SNED1: variants seen among roughly 807,000 people sequenced by gnomAD.
The protein encoded by SNED1 is sushi, nidogen and EGF like domains 1.
Under a neutral mutation model 166.7 loss-of-function variants are expected in SNED1, and 81 were observed. The ratio of observed to expected loss-of-function variants is 0.49; its 90% CI spans 0.41 to 0.58. The LOEUF (loss-of-function observed/expected upper bound fraction) is 0.58, where lower values mean the gene tolerates loss of function less well. Ranked by LOEUF, SNED1 falls within the 20% of genes least tolerant of loss-of-function variation. The pLI, the probability that SNED1 is intolerant of heterozygous loss-of-function variation, is 0.00. For missense variants in SNED1, 1,604 were observed against 2,000.2 expected (o/e 0.80, Z 3.78); for synonymous variants, 762 against 822.0 (o/e 0.93, Z 1.25).
chr2:241,030,868 G>A (rs1411031513), intron 2 of SNED1, among the ~76,000 whole-genome samples: 1 of 152,244 alleles, frequency 6.6e-6, no homozygotes, highest in East Asian at 1.9e-4. Context: ...GTACTCAAAA[G>A]GTTAGACTGG....
At chr2:241,038,066 T>G (rs2061426600) in intron 6 of SNED1, among the ~76,000 whole-genome samples, 1 of 136,658 alleles carries the variant, frequency 7.3e-6, no homozygotes, top group African/African-American at 2.7e-5. Context: ...TAAAGAAAGG[T>G]GGACCCCCCC....
chr2:241,064,937 C>G lies in SNED1; in HGVS notation c.2693C>G (p.Thr898Arg). 1 of 1,583,820 alleles carries G rather than the reference C, an allele frequency of 6.3e-7. No homozygotes were observed. Reference sequence around the variant, plus strand: ...AGCTGCACCTGCAAAGTGGGCTACACGGGCGAGGACTGCGCCAAAGGTGGG... The same window carrying G: ...AGCTGCACCTGCAAAGTGGGCTACAGGGGCGAGGACTGCGCCAAAGGTGGG... Reference protein sequence around the residue: ...SHSCTCKVGYTGEDCAKELFP... With the variant: ...SHSCTCKVGYRGEDCAKELFP... Residue 898 changes from threonine (T) to arginine (R), a missense_variant, in exon 20 of 32, where the codon ACG becomes AGG. Thr to Arg is a moderately conservative substitution (Grantham distance 71). This residue lies in a region of SNED1 where 1,237 missense variants were observed against 1,620.8 expected (regional missense o/e 0.76). Transcript: ENST00000310397. This position sits in a 1 kb window ranked among gnomAD's most constrained non-coding sequence, Gnocchi z 7.0.
rs191617877 is a variant in SNED1 at position 241,078,156 on chromosome 2, G to A, written c.3917-3521G>A. On this transcript the variant is annotated intron_variant, in intron 27 of 31. Coordinates refer to ENST00000310397, the MANE Select transcript of SNED1 (RefSeq NM_001080437.3). ...TCCCAGCACTTTGGGAGGCCGAGGC[G>A]GGCAGATCACCAGGTCAGGCGTTCG... is the stretch of plus-strand genomic sequence containing the variant. Among the ~76,000 whole-genome samples the A allele has an allele frequency of 5.7e-3, 864 of 150,272 alleles. 21 individuals carry two copies. The highest frequency in any genetic ancestry group is 0.02 in the African/African-American group (811 of 39,840).
chr2:240,998,814 C>T lies in SNED1; in HGVS notation c.-24C>T. 1 of 1,156,212 alleles carries T rather than the reference C, an allele frequency of 8.6e-7. No homozygotes were observed. The highest frequency in any genetic ancestry group is 1.1e-6 in the Non-Finnish European group (1 of 937,638). The allele number at this position is 1,156,212 out of a possible 1,614,324, so 71.6% of individuals were successfully genotyped here. On this transcript the variant is annotated 5_prime_UTR_variant, in exon 1 of 32. Coordinates refer to ENST00000310397, the MANE Select transcript of SNED1 (RefSeq NM_001080437.3). ...CCCAGCGCCCTGCTCCGCCAGCGCC[C>T]CGTCCCGCCCGCACACCTCCGCGAT... is the stretch of plus-strand genomic sequence containing the variant.
Position 241,071,627 on chromosome 2 carries a change from G to C in SNED1, c.3641G>C (p.Arg1214Pro). 1 of 1,586,270 alleles carries C rather than the reference G, an allele frequency of 6.3e-7. No homozygotes were observed. The highest frequency in any genetic ancestry group is 8.5e-7 in the Non-Finnish European group (1 of 1,173,664). Residue 1214 changes from arginine to proline, a missense_variant, in exon 25 of 32, where the codon CGG becomes CCG. Arg to Pro is a moderately radical substitution (Grantham distance 103, BLOSUM62 -2). Coordinates refer to ENST00000310397, the MANE Select transcript of SNED1 (RefSeq NM_001080437.3). Reference protein sequence around the residue: ...RRWHQGGHHPRVLKNRPPPAR... With the variant: ...RRWHQGGHHPPVLKNRPPPAR... Reference sequence around the variant, plus strand: ...TGGCACCAGGGAGGACACCACCCTCGGGTGCTCAAGAACAGACCGCCCCCG... The same window carrying C: ...TGGCACCAGGGAGGACACCACCCTCCGGTGCTCAAGAACAGACCGCCCCCG...
Position 241,040,352 on chromosome 2 carries a change from C to T in SNED1, c.1212C>T (p.Asp404=), listed in dbSNP as rs369115502. 3.6e-5 allele frequency: 58 copies of T among 1,609,670 alleles called. No individual in the cohort carries two copies. The South Asian group carries it at 3.8e-4, about 11-fold the overall frequency. The change falls in exon 8 of 32, where the codon GAC becomes GAT. Residue 404 remains aspartate, a synonymous_variant. Coordinates refer to ENST00000310397, the MANE Select transcript of SNED1 (RefSeq NM_001080437.3). ...GCCTGAATGGAGGCTCTTGTGTTGA[C>T]CTAGTGGGGAATTACACCTGCTTGT... ...DPCLNGGSCV[D]LVGNYTCLCA...
At position 241,087,409 on chromosome 2, in the gene SNED1, G is replaced by A. The variant is rs1259286993; in HGVS notation, c.4139G>A (p.Arg1380Gln). The A allele has an allele frequency of 3.7e-6, 6 of 1,601,848 alleles. No homozygotes were observed. Among genetic ancestry groups the A allele is most frequent in the East Asian group, 2.3e-5 (1 of 44,442 alleles). ...VCHHVYKRVY[R>Q]VHQDICFKES... Reference sequence around the variant, plus strand: ...GACAACAGGTATAAAAGAGTCTACCGAGTTCACCAAGACATCTGCTTCAAA... The same window carrying A: ...GACAACAGGTATAAAAGAGTCTACCAAGTTCACCAAGACATCTGCTTCAAA... Residue 1380 changes from arginine to glutamine, a missense_variant, in exon 30 of 32, where the codon CGA (arginine) becomes CAA (glutamine). Physicochemically the swap from Arg to Gln is conservative, Grantham distance 43. This residue lies in a region of SNED1 where 367 missense variants were observed against 379.4 expected (regional missense o/e 0.97). Transcript: ENST00000310397.
chr2:241,087,663 A>G, intron 30 of SNED1, 188 bp downstream of exon 30: 1 of 1,392,464 alleles, frequency 7.2e-7, no homozygotes, highest in Non-Finnish European at 9.3e-7. Flanking sequence ...GCATGTGAGC[A>G]TACCCAGAGG....
At chr2:240,998,319 C>G (rs1274240534), upstream of SNED1, among the ~76,000 whole-genome samples, 1 of 152,244 alleles carries the variant, frequency 6.6e-6, no homozygotes, top group Non-Finnish European at 1.5e-5. Flanking sequence ...CGTGATGACA[C>G]GCCTTCAGGG....
In SNED1 at chr2:240,998,883, G is replaced by C; in HGVS notation, c.46G>C (p.Gly16Arg). 1 of 1,216,362 alleles carries C rather than the reference G, an allele frequency of 8.2e-7. No homozygotes were observed. The highest frequency in any genetic ancestry group is 1.0e-6 in the Non-Finnish European group (1 of 979,058). 75.3% of individuals were successfully genotyped at this position (1,216,362 alleles called of 1,614,324 possible). The change falls in exon 1 of 32, where the codon GGG becomes CGG. Residue 16 changes from glycine to arginine, a missense_variant. Gly to Arg is a moderately radical substitution (Grantham distance 125, BLOSUM62 -2). Coordinates refer to ENST00000310397, the MANE Select transcript of SNED1 (RefSeq NM_001080437.3). ...AWALLVAAALGLGARGVRGAV... is the reference protein window; with the variant it reads ...AWALLVAAALRLGARGVRGAV... Reference sequence around the variant, plus strand: ...GGCGCTGCTGGTGGCCGCGGCCCTGGGGCTTGGGGCGCGCGGGGTGCGCGG... The same window carrying C: ...GGCGCTGCTGGTGGCCGCGGCCCTGCGGCTTGGGGCGCGCGGGGTGCGCGG...
intron 1 of SNED1, among the ~76,000 whole-genome samples, chr2:241,021,243 G>C (rs2060764542): frequency 6.6e-6 from 1 of 152,198 alleles, no homozygotes; most frequent in Non-Finnish European, 1.5e-5. Flanking sequence ...CACATCCAGA[G>C]AGGGTCCAGG....
At chr2:241,086,636 C>T (rs767391138) in intron 29 of SNED1, among the ~76,000 whole-genome samples, 3 of 152,188 alleles carry the variant, frequency 2.0e-5, no homozygotes, top group Non-Finnish European at 4.4e-5. Context: ...GAGGTTAATT[C>T]CAGATTCTGT....
At chr2:241,076,492 C>CA (rs2063025771) in intron 27 of SNED1, among the ~76,000 whole-genome samples, 1 of 152,170 alleles carries the variant, frequency 6.6e-6, no homozygotes, top group Admixed American at 6.5e-5. Context: ...ACCATCTTGC[C>CA]AAACTCTCCT....
At chr2:241,007,855 T>C (rs1574844721) in intron 1 of SNED1, among the ~76,000 whole-genome samples, 1 of 152,238 alleles carries the variant, frequency 6.6e-6, no homozygotes, top group South Asian at 2.1e-4. Flanking sequence ...GGCTCTGTGG[T>C]GTTTCAGTCT....
At chr2:241,053,971 A>G (rs1012723836) in intron 16 of SNED1, among the ~76,000 whole-genome samples, 4 of 152,238 alleles carry the variant, frequency 2.6e-5, no homozygotes, top group Non-Finnish European at 4.4e-5. Context: ...TTTTAAAACA[A>G]GCTTAGGAAC....
intron 16 of SNED1, among the ~76,000 whole-genome samples, 167 bp from the exon 17 acceptor site, chr2:241,062,624 C>T (rs562849855): frequency 5.1e-4 from 77 of 152,352 alleles, no homozygotes; most frequent in African/African-American, 1.9e-3. Flanking sequence ...GCCCCAGGCC[C>T]ACTGCCCTGC....
chr2:240,998,793 G>A lies in SNED1; in HGVS notation c.-45G>A. 9.6e-7 allele frequency: 1 copy of A among 1,039,380 alleles called. No homozygotes were observed. The highest frequency in any genetic ancestry group is 1.2e-6 in the Non-Finnish European group (1 of 845,514). 64.4% of individuals were successfully genotyped at this position (1,039,380 alleles called of 1,614,324 possible). Reference sequence around the variant, plus strand: ...CCCCCGCGCGCAGCCTAGTCCCCCAGCGCCCTGCTCCGCCAGCGCCCCGTC... The same window carrying A: ...CCCCCGCGCGCAGCCTAGTCCCCCAACGCCCTGCTCCGCCAGCGCCCCGTC... On this transcript the variant is annotated 5_prime_UTR_variant, in exon 1 of 32. Coordinates refer to ENST00000310397, the MANE Select transcript of SNED1 (RefSeq NM_001080437.3).
intron 1 of SNED1, among the ~76,000 whole-genome samples, chr2:241,005,294 C>T (rs1559209458): frequency 6.6e-6 from 1 of 152,096 alleles, no homozygotes. Context: ...ACCTCTGCCT[C>T]CCGGGTTCAA....
chr2:241,055,072 G>A (rs185853753), intron 16 of SNED1, among the ~76,000 whole-genome samples: 6 of 152,066 alleles, frequency 3.9e-5, no homozygotes, highest in East Asian at 3.9e-4. Flanking sequence ...AGGTGAGATC[G>A]TGCCACTGAA....
Sources: allele counts gnomAD v4.1 joint callset (sites outside exome capture counted in the v4.1 genomes callset), GRCh38; gene constraint gnomAD v4.1.1; regional missense constraint gnomAD v4.1.1; non-coding constraint Gnocchi (gnomAD v3.1); transcripts MANE v1.5; gene names NCBI Gene and HGNC (gene_info 2026-07-23, HGNC 2026-07-21).